PRAC2: variants seen among roughly 807,000 people sequenced by gnomAD.
PRAC2 encodes the protein PRAC2 small nuclear protein, also known as protein PRAC2.
For synonymous variants in PRAC2, 43 were observed against 49.5 expected, an observed-to-expected ratio of 0.87 and a Z score of 0.55; for missense variants, 92 against 114.5, an observed-to-expected ratio of 0.80 and a Z score of 0.90.
upstream of PRAC2, chr17:48,722,319 T>C: frequency 6.2e-7 from 1 of 1,613,244 alleles, no homozygotes; most frequent in Admixed American, 1.7e-5. Flanking sequence ...TCAGTTTACC[T>C]TATTAGAGAG....
At chr17:48,722,312 G>T (rs1277482585), upstream of PRAC2, 4 of 1,612,400 alleles carry the variant, frequency 2.5e-6, no homozygotes, top group Non-Finnish European at 3.4e-6. Context: ...CCACCGATCA[G>T]TTTACCTTAT....
At chr17:48,720,887 A>G (rs2038138459), upstream of PRAC2, among the ~76,000 whole-genome samples, 1 of 152,184 alleles carries the variant, frequency 6.6e-6, no homozygotes, top group Admixed American at 6.5e-5. Flanking sequence ...TGTTGACAAT[A>G]GAGGAGTCCC....
chr17:48,723,651 G>A (rs2038171010), intron 1 of PRAC2: 6 of 1,189,142 alleles, frequency 5.0e-6, no homozygotes, highest in Admixed American at 4.2e-5. Context: ...CTCGGCTGGC[G>A]GCGGCCTCGC....
At chr17:48,721,425 G>A (rs960511091), upstream of PRAC2, among the ~76,000 whole-genome samples, 1 of 152,118 alleles carries the variant, frequency 6.6e-6, no homozygotes, top group Non-Finnish European at 1.5e-5. Flanking sequence ...TCCCAGGTTC[G>A]AGCAATTCTT....
chr17:48,721,696 A>C, upstream of PRAC2: 1 of 1,141,992 alleles, frequency 8.8e-7, no homozygotes, highest in Non-Finnish European at 1.1e-6. Context: ...AAATTGTTAT[A>C]ATCACAGTTA....
chr17:48,719,688 A>G (rs1241392892), upstream of PRAC2, among the ~76,000 whole-genome samples: 1 of 152,256 alleles, frequency 6.6e-6, no homozygotes, highest in African/African-American at 2.4e-5. Flanking sequence ...AACGAACATG[A>G]AATGCCAAGG....
intron 1 of PRAC2, chr17:48,723,787 T>C (rs2038172833): frequency 7.3e-6 from 9 of 1,230,102 alleles, no homozygotes; most frequent in African/African-American, 1.6e-5. Context: ...TTCTACGCAT[T>C]GCGCCACTAC....
upstream of PRAC2, chr17:48,722,434 C>A: frequency 6.3e-7 from 1 of 1,577,434 alleles, no homozygotes; most frequent in Non-Finnish European, 8.7e-7. Flanking sequence ...ATCCAGCTTG[C>A]CTGACCTTGC....
At chr17:48,723,399 T>C in intron 1 of PRAC2, 86 bp downstream of exon 1, 1 of 299,474 alleles carries the variant, frequency 3.3e-6, no homozygotes, top group Non-Finnish European at 6.1e-6. Flanking sequence ...GCACAGGGTC[T>C]CCCCTGAAGG....
upstream of PRAC2, chr17:48,721,841 T>C: frequency 6.5e-7 from 1 of 1,544,068 alleles, no homozygotes. Context: ...AATTCCAGAA[T>C]TACAGGCTGA....
chr17:48,724,485 C>G lies in PRAC2; in HGVS notation c.75C>G (p.Leu25=). The change falls in exon 2 of 2, where the codon CTC becomes CTG. Residue 25 remains leucine (L), a synonymous_variant. Coordinates refer to ENST00000422730, the MANE Select transcript of PRAC2 (RefSeq NM_001282275.2). ...CCTTCTTCTTCCATTCGAGATGGCT[C>G]GTACCGAACCTCCTTGCCTTCTTCC... is the stretch of plus-strand genomic sequence containing the variant. ...PTAFFFHSRW[L]VPNLLAFFLG... 6.5e-6 allele frequency: 8 copies of G among 1,234,146 alleles called. No homozygotes were observed. The highest frequency in any genetic ancestry group is 8.1e-6 in the Non-Finnish European group (8 of 988,138). The allele number at this position is 1,234,146 out of a possible 1,614,324, so 76.4% of individuals were successfully genotyped here.
At chr17:48,722,413 TG>T (rs1567699312), upstream of PRAC2, 3 of 1,612,118 alleles carry the variant, frequency 1.9e-6, no homozygotes, top group Middle Eastern at 1.7e-4. Context: ...TCTGCAAAGG[TG>T]GGGACCAGAA....
upstream of PRAC2, chr17:48,722,604 C>A: frequency 1.8e-6 from 1 of 557,572 alleles, no homozygotes; most frequent in Non-Finnish European, 3.2e-6. Context: ...GGCTCCCCAC[C>A]TCATAGCTGC....
chr17:48,720,563 C>T (rs2038135672), upstream of PRAC2, among the ~76,000 whole-genome samples: 1 of 152,168 alleles, frequency 6.6e-6, no homozygotes, highest in Non-Finnish European at 1.5e-5. Flanking sequence ...CCTCAGGTCA[C>T]ATATGGGGAA....
At chr17:48,722,662 T>TC (rs1417414960), upstream of PRAC2, 6 of 463,148 alleles carry the variant, frequency 1.3e-5, no homozygotes, top group East Asian at 2.4e-4. Flanking sequence ...CCTCCTCGCC[T>TC]CCCCGCAAAC....
At chr17:48,719,151 T>C (rs1856321580), upstream of PRAC2, among the ~76,000 whole-genome samples, 1 of 152,112 alleles carries the variant, frequency 6.6e-6, no homozygotes, top group Admixed American at 6.5e-5. Flanking sequence ...ATCGAGTGTT[T>C]GATCTTCCCT....
At chr17:48,721,626 G>C (rs1426462025), upstream of PRAC2, 1 of 564,868 alleles carries the variant, frequency 1.8e-6, no homozygotes, top group African/African-American at 1.9e-5. Context: ...TGCCTGGCCC[G>C]TTTTTATTTT....
chr17:48,721,260 G>C (rs1397047023), upstream of PRAC2, among the ~76,000 whole-genome samples: 2 of 152,224 alleles, frequency 1.3e-5, no homozygotes, highest in Non-Finnish European at 2.9e-5. Flanking sequence ...TGGCAAGGCA[G>C]AGCTTCTGAG....
At chr17:48,721,824 C>T (rs1268830409), upstream of PRAC2, 1 of 1,542,894 alleles carries the variant, frequency 6.5e-7, no homozygotes, top group Non-Finnish European at 8.8e-7. Context: ...CTGCCTCGGC[C>T]TCCCGAAATT....
Sources: gnomAD v4.1 joint callset for allele counts (sites outside exome capture counted in the v4.1 genomes callset) on GRCh38, gnomAD v4.1.1 for gene constraint, MANE v1.5 for transcripts, NCBI Gene and HGNC (gene_info 2026-07-23, HGNC 2026-07-21) for gene names.